SLC13A1: variants seen among roughly 807,000 people sequenced by gnomAD.
The protein encoded by SLC13A1 is Na(+)/sulfate cotransporter.
A neutral mutation model predicts 70.0 loss-of-function variants in SLC13A1; 65 were observed. That is an observed-to-expected ratio of 0.93 (90% confidence interval 0.76 to 1.14). The LOEUF (loss-of-function observed/expected upper bound fraction) is 1.14, where lower values mean the gene tolerates loss of function less well. Ranked by LOEUF, SLC13A1 falls within the 50% of genes most tolerant of loss-of-function variation. SLC13A1 has a pLI of 0.00. For missense variants in SLC13A1, 726 were observed against 717.8 expected (o/e 1.01, Z -0.13); for synonymous variants, 275 against 250.5 (o/e 1.10, Z -0.92).
chr7:123,172,974 T>C (rs1038375887), intron 2 of SLC13A1, among the ~76,000 whole-genome samples: 3 of 152,156 alleles, frequency 2.0e-5, no homozygotes, highest in Non-Finnish European at 2.9e-5. Flanking sequence ...TAAAAACTTA[T>C]TTTTATTTAA....
chr7:123,198,002 T>C (rs1796237104), intron 1 of SLC13A1, among the ~76,000 whole-genome samples: 1 of 152,128 alleles, frequency 6.6e-6, no homozygotes, highest in African/African-American at 2.4e-5. Flanking sequence ...CTTGACTAGT[T>C]TAATTTCCTA....
chr7:123,125,767 G>C, intron 10 of SLC13A1, 92 bp from the exon 11 acceptor site: 1 of 831,910 alleles, frequency 1.2e-6, no homozygotes, highest in Admixed American at 2.0e-5. Context: ...TCAGTAATAG[G>C]TTATTATCAG....
At chr7:123,166,544 C>G (rs1795083027) in intron 6 of SLC13A1, among the ~76,000 whole-genome samples, 1 of 152,060 alleles carries the variant, frequency 6.6e-6, no homozygotes, top group South Asian at 2.1e-4. Flanking sequence ...TCCGTCCCCC[C>G]TTCCCCCACC....
chr7:123,172,971 T>G (rs1355694985), intron 2 of SLC13A1, among the ~76,000 whole-genome samples: 2 of 152,158 alleles, frequency 1.3e-5, no homozygotes, highest in African/African-American at 4.8e-5. Flanking sequence ...TATTAAAAAC[T>G]TATTTTTATT....
chr7:123,190,982 C>T (rs1293942370), intron 1 of SLC13A1, among the ~76,000 whole-genome samples: 2 of 151,522 alleles, frequency 1.3e-5, no homozygotes, highest in Non-Finnish European at 2.9e-5. Context: ...ATTTTCATTT[C>T]TTCTGAGCGG....
At chr7:123,118,229 A>G (rs921412097) in intron 13 of SLC13A1, among the ~76,000 whole-genome samples, 10 of 152,130 alleles carry the variant, frequency 6.6e-5, no homozygotes, top group Admixed American at 4.6e-4. Flanking sequence ...GGTTCATCAT[A>G]TAAGAAGAGT....
At chr7:123,178,845 T>C (rs574574523) in intron 2 of SLC13A1, among the ~76,000 whole-genome samples, 2 of 152,296 alleles carry the variant, frequency 1.3e-5, no homozygotes, top group South Asian at 2.1e-4. Flanking sequence ...TGAAATGCCA[T>C]AGGGAAGACG....
intron 10 of SLC13A1, among the ~76,000 whole-genome samples, chr7:123,127,099 T>C (rs952529143): frequency 6.6e-6 from 1 of 152,142 alleles, no homozygotes; most frequent in Non-Finnish European, 1.5e-5. Context: ...TTATTTTTAG[T>C]TTCTCAGGAA....
chr7:123,143,407 A>G (rs1397487811), intron 7 of SLC13A1, among the ~76,000 whole-genome samples: 2 of 152,072 alleles, frequency 1.3e-5, no homozygotes, highest in African/African-American at 2.4e-5. Flanking sequence ...TCAAGTTCCA[A>G]CTGCTGGGAT....
At chr7:123,157,003 C>T (rs1028512795) in intron 6 of SLC13A1, among the ~76,000 whole-genome samples, 4 of 152,040 alleles carry the variant, frequency 2.6e-5, no homozygotes, top group African/African-American at 9.7e-5. Flanking sequence ...TGGCTAAGCT[C>T]GCTGGTGCTG....
chr7:123,118,475 T>C (rs1793255563), intron 13 of SLC13A1, among the ~76,000 whole-genome samples: 1 of 152,086 alleles, frequency 6.6e-6, no homozygotes, highest in Admixed American at 6.6e-5. Flanking sequence ...TCCATCCCAA[T>C]AAGAAAAACA....
chr7:123,187,353 A>G (rs1795837507), intron 1 of SLC13A1, among the ~76,000 whole-genome samples: 1 of 152,212 alleles, frequency 6.6e-6, no homozygotes, highest in Non-Finnish European at 1.5e-5. Context: ...ATTCTTTAGA[A>G]GCATTTTCAA....
At chr7:123,122,701 T>A (rs757133990) in intron 12 of SLC13A1, among the ~76,000 whole-genome samples, 5 of 152,144 alleles carry the variant, frequency 3.3e-5, no homozygotes, top group Admixed American at 6.6e-5. Flanking sequence ...TCTTTTTTTT[T>A]AAATCAGCAA....
intron 4 of SLC13A1, 125 bp downstream of exon 4, chr7:123,169,023 G>T: frequency 1.2e-6 from 1 of 805,788 alleles, no homozygotes; most frequent in Non-Finnish European, 1.9e-6. Flanking sequence ...ACTATAGAGG[G>T]AAGAAAGTTA....
At chr7:123,137,751 C>T (rs1794000758) in intron 7 of SLC13A1, among the ~76,000 whole-genome samples, 1 of 151,874 alleles carries the variant, frequency 6.6e-6, no homozygotes, top group African/African-American at 2.4e-5. Flanking sequence ...TGCCTGGAGT[C>T]TTTTTAAAAA....
chr7:123,174,492 C>T (rs1245702400), intron 2 of SLC13A1, among the ~76,000 whole-genome samples: 1 of 151,938 alleles, frequency 6.6e-6, no homozygotes, highest in African/African-American at 2.4e-5. Flanking sequence ...TTCCTAGGTC[C>T]TTCATATCTT....
At chr7:123,136,776 T>A (rs1488835078) in intron 7 of SLC13A1, among the ~76,000 whole-genome samples, 3 of 152,044 alleles carry the variant, frequency 2.0e-5, no homozygotes, top group African/African-American at 7.2e-5. Flanking sequence ...AAAAAGTGAT[T>A]GGGGAAGGGG....
intron 6 of SLC13A1, among the ~76,000 whole-genome samples, chr7:123,162,729 A>G (rs1794955851): frequency 6.6e-6 from 1 of 152,062 alleles, no homozygotes; most frequent in Admixed American, 6.6e-5. Flanking sequence ...TAATATTATG[A>G]ACCATGTTTA....
intron 3 of SLC13A1, among the ~76,000 whole-genome samples, chr7:123,170,331 TA>T (rs200768575): frequency 1.3e-4 from 20 of 151,968 alleles, no homozygotes; most frequent in African/African-American, 3.6e-4. Context: ...ATGGTTCTTC[TA>T]AAAAAAAGAA....
Sources: allele counts gnomAD v4.1 joint callset (sites outside exome capture counted in the v4.1 genomes callset), GRCh38; gene constraint gnomAD v4.1.1; transcripts MANE v1.5; gene names NCBI Gene and HGNC (gene_info 2026-07-23, HGNC 2026-07-21).